Variants in MRE11 observed in about 807,000 individuals in gnomAD.
The protein encoded by MRE11 is double-strand break repair protein MRE11.
Under a neutral mutation model 91.7 loss-of-function variants are expected in MRE11, and 62 were observed. That is an observed-to-expected ratio of 0.68 (90% CI 0.55 to 0.84). The LOEUF (loss-of-function observed/expected upper bound fraction) is 0.84. Ranked by LOEUF, MRE11 falls within the 40% of genes least tolerant of loss-of-function variation. The pLI, the probability that MRE11 is intolerant of heterozygous loss-of-function variation, is 0.00. For missense variants in MRE11, 796 were observed against 852.9 expected (o/e 0.93, Z 0.83); for synonymous variants, 273 against 271.4 (o/e 1.01, Z -0.06).
chr11:94,451,149 A>AGT (rs996346677), intron 14 of MRE11, among the ~76,000 whole-genome samples: 3 of 152,008 alleles, frequency 2.0e-5, no homozygotes, highest in African/African-American at 7.2e-5. Context: ...ATTAGCTGGG[A>AGT]GTGGTAGCAC....
chr11:94,496,532 C>A, upstream of MRE11: 1 of 635,534 alleles, frequency 1.6e-6, no homozygotes, highest in Non-Finnish European at 2.6e-6. Flanking sequence ...TATATGTTTG[C>A]AAGACTTATC....
At chr11:94,492,112 C>G (rs973533988) in intron 2 of MRE11, among the ~76,000 whole-genome samples, 1 of 152,102 alleles carries the variant, frequency 6.6e-6, no homozygotes, top group African/African-American at 2.4e-5. Flanking sequence ...GTAAAAGACT[C>G]CAAGTCTAAA....
At chr11:94,448,643 G>A (rs920904870) in intron 14 of MRE11, among the ~76,000 whole-genome samples, 4 of 151,824 alleles carry the variant, frequency 2.6e-5, no homozygotes, top group Non-Finnish European at 5.9e-5. Context: ...AAGAATTAAG[G>A]AGAATATATC....
At chr11:94,496,862 G>A (rs1415703692), upstream of MRE11, 3 of 1,613,400 alleles carry the variant, frequency 1.9e-6, no homozygotes, top group Non-Finnish European at 2.5e-6. Flanking sequence ...GGAGCAAGAT[G>A]ACAAAAATGA....
chr11:94,461,434 T>C (rs1170365822), intron 11 of MRE11, among the ~76,000 whole-genome samples: 1 of 152,222 alleles, frequency 6.6e-6, no homozygotes, highest in Non-Finnish European at 1.5e-5. Flanking sequence ...TGGTGCCTTG[T>C]GACGTCAAGG....
Position 94,486,008 on chromosome 11 carries a change from T to G in MRE11, c.230A>C (p.Glu77Ala). 1 of 1,613,894 alleles carries G rather than the reference T, an allele frequency of 6.2e-7. No homozygotes were observed. Among genetic ancestry groups the G allele is most frequent in the Non-Finnish European group, 8.5e-7 (1 of 1,179,918 alleles). ...PSRKTLHTCL[E>A]LLRKYCMGDR... ...ACCCATACAATATTTTCTTAATAAC[T>G]CGAGGCAGGTATGTAATGTTTTCCT... is the stretch of plus-strand genomic sequence containing the variant. The change falls in exon 4 of 20, where the codon GAG (glutamate) becomes GCG (alanine). Residue 77 changes from glutamate to alanine, a missense_variant. Transcript: ENST00000323929.
chr11:94,491,802 C>T (rs1947290103), intron 2 of MRE11, among the ~76,000 whole-genome samples: 1 of 152,112 alleles, frequency 6.6e-6, no homozygotes, highest in African/African-American at 2.4e-5. Context: ...CAAATCTTTA[C>T]AAACAAAAGA....
intron 3 of MRE11, among the ~76,000 whole-genome samples, chr11:94,487,023 T>G (rs1371399995): frequency 1.3e-5 from 2 of 152,154 alleles, no homozygotes; most frequent in African/African-American, 4.8e-5. Context: ...CCTTCCAGAA[T>G]GAACACTATT....
chr11:94,496,657 C>A (rs1240742438), upstream of MRE11: 9 of 1,502,062 alleles, frequency 6.0e-6, no homozygotes, highest in Non-Finnish European at 7.1e-6. Flanking sequence ...TATATCCTGG[C>A]ATTTGAAATG....
chr11:94,459,573 C>T lies in MRE11; in HGVS notation c.1335G>A (p.Gln445=), dbSNP rs767986238. The T allele has an allele frequency of 6.2e-7, 1 of 1,613,862 alleles. No individual in the cohort carries two copies. Among genetic ancestry groups the T allele is most frequent in the South Asian group, 1.1e-5 (1 of 91,076 alleles). ...QYFQTAEKNV[Q]LSLLTERGMG... is the part of the protein sequence containing the mutation. The stretch of plus-strand genomic sequence containing the variant: ...TCCCTCTTTCTGTTAGCAGTGAGAG[C>T]TGCACATTCTGTAAGATACAAATCA... Residue 445 remains glutamine, a synonymous_variant, in exon 13 of 20, where the codon CAG becomes CAA. Coordinates refer to ENST00000323929, the MANE Select transcript of MRE11 (RefSeq NM_005591.4).
chr11:94,454,364 G>A (rs1466773508), intron 14 of MRE11, among the ~76,000 whole-genome samples: 1 of 152,062 alleles, frequency 6.6e-6, no homozygotes, highest in Non-Finnish European at 1.5e-5. Context: ...AAGTCACAAT[G>A]CCCAGCCTGA....
chr11:94,478,562 A>G (rs920131047), intron 6 of MRE11, among the ~76,000 whole-genome samples, 173 bp downstream of exon 6: 1 of 152,222 alleles, frequency 6.6e-6, no homozygotes, highest in Non-Finnish European at 1.5e-5. Context: ...TAGTAACGAA[A>G]AGACATTTTT....
chr11:94,426,250 G>A (rs570048022), intron 19 of MRE11, among the ~76,000 whole-genome samples: 1 of 151,830 alleles, frequency 6.6e-6, no homozygotes, highest in African/African-American at 2.4e-5. Context: ...TGAAATTAAG[G>A]CAGAAATAAA....
At chr11:94,510,106 A>G in the MRE11 span, among the ~76,000 whole-genome samples, 1 of 152,108 alleles carries the variant, frequency 6.6e-6, no homozygotes, top group African/African-American at 2.4e-5. Flanking sequence ...AATGTTTGGA[A>G]GATACCAGTG....
chr11:94,482,327 G>A (rs1947032582), intron 4 of MRE11, among the ~76,000 whole-genome samples: 1 of 152,150 alleles, frequency 6.6e-6, no homozygotes, highest in African/African-American at 2.4e-5. Flanking sequence ...GACAGAACCA[G>A]GATTTGAACT....
Position 94,447,104 on chromosome 11 carries a change from TA to T in MRE11, c.1783+114del, listed in dbSNP as rs565912325. ...TTTATATATTATAAAAATAGATTTTTAAAGAACCGTGTTTTAGAAATAAAAC... is the reference window on the plus strand; with the variant it reads ...TTTATATATTATAAAAATAGATTTTTAAGAACCGTGTTTTAGAAATAAAAC... On this transcript the variant is annotated intron_variant, in intron 15 of 19. Transcript: ENST00000323929. The T allele has an allele frequency of 8.0e-4, 893 of 1,116,776 alleles. 9 individuals are homozygous for T. In the African/African-American group the frequency reaches 0.012, roughly 16 times the overall value. 69.2% of individuals were successfully genotyped at this position (1,116,776 alleles called of 1,614,324 possible).
intron 8 of MRE11, among the ~76,000 whole-genome samples, chr11:94,471,228 A>G (rs1946701456): frequency 6.6e-6 from 1 of 152,070 alleles, no homozygotes; most frequent in Non-Finnish European, 1.5e-5. Context: ...ATAATCAGAA[A>G]ATTTTCAATT....
chr11:94,432,469 G>C (rs1455182447), intron 18 of MRE11, among the ~76,000 whole-genome samples: 1 of 152,156 alleles, frequency 6.6e-6, no homozygotes, highest in Non-Finnish European at 1.5e-5. Flanking sequence ...ATGGTTTTAA[G>C]TACCATCTGC....
the MRE11 span, among the ~76,000 whole-genome samples, chr11:94,509,489 C>T: frequency 0.48 from 73,075 of 151,910 alleles, 18,748 homozygotes; most frequent in Non-Finnish European, 0.57. Flanking sequence ...TGTTGCCAGG[C>T]TGGAGTGCAG....
Sources: allele counts gnomAD v4.1 joint callset (sites outside exome capture counted in the v4.1 genomes callset), GRCh38; gene constraint gnomAD v4.1.1; transcripts MANE v1.5; gene names NCBI Gene and HGNC (gene_info 2026-07-23, HGNC 2026-07-21).